The following KIF9 variants were observed in gnomAD, a reference collection of about 807,000 sequenced individuals.
The protein encoded by KIF9 is kinesin family member 9, also known as kinesin-like protein KIF9.
A neutral mutation model predicts 94.8 loss-of-function variants in KIF9; 68 were observed. The ratio of observed to expected loss-of-function variants is 0.72; its 90% CI spans 0.59 to 0.88. The LOEUF (loss-of-function observed/expected upper bound fraction) is 0.88, where lower values mean the gene tolerates loss of function less well. Ranked by LOEUF, KIF9 falls within the 40% of genes least tolerant of loss-of-function variation. KIF9 has a pLI of 0.00. For missense variants in KIF9, 882 were observed against 982.5 expected (o/e 0.90, Z 1.37); for synonymous variants, 343 against 362.1 (o/e 0.95, Z 0.60).
At chr3:47,248,152 T>A in intron 10 of KIF9, 66 bp from the exon 11 acceptor site, 1 of 1,176,584 alleles carries the variant, frequency 8.5e-7, no homozygotes, top group Non-Finnish European at 1.3e-6. Context: ...CCCTGTCTCT[T>A]CCACAGCAAA....
At chr3:47,256,723 T>G (rs907072328) in intron 10 of KIF9, among the ~76,000 whole-genome samples, 1 of 152,176 alleles carries the variant, frequency 6.6e-6, no homozygotes, top group Non-Finnish European at 1.5e-5. Context: ...GGGGAAAGGA[T>G]TGAGAAGTCG....
intron 5 of KIF9, among the ~76,000 whole-genome samples, chr3:47,268,927 G>A (rs1439162000): frequency 6.6e-6 from 1 of 151,932 alleles, no homozygotes; most frequent in Non-Finnish European, 1.5e-5. Context: ...GTACCCTCTT[G>A]CCTTGTCTTT....
intron 2 of KIF9, among the ~76,000 whole-genome samples, chr3:47,276,157 C>A (rs1328709890): frequency 3.9e-5 from 6 of 152,202 alleles, no homozygotes; most frequent in African/African-American, 1.2e-4. Flanking sequence ...AGATTCCAAT[C>A]TTCTTGATGA....
At chr3:47,246,368 G>C in intron 12 of KIF9, 116 bp from the exon 13 acceptor site, 1 of 678,736 alleles carries the variant, frequency 1.5e-6, no homozygotes, top group Non-Finnish European at 2.3e-6. Context: ...CATCTGTCTC[G>C]AGAAGAGGAC....
Position 47,275,443 on chromosome 3 carries a change from A to G in KIF9, c.141T>C (p.Asn47=), listed in dbSNP as rs762596280. Residue 47 remains asparagine (N), a synonymous_variant, in exon 3 of 21, where the codon AAT becomes AAC. Transcript: ENST00000684063. ...TAAACGACCAGTCTGTCTGTTGGTT[A>G]TTGACAACTCCTCTCCGAATGTCTT... ...LKKDIRRGVV[N]NQQTDWSFKL... 3 of 1,613,230 alleles carry G rather than the reference A, an allele frequency of 1.9e-6. No individual in the cohort carries two copies. The highest frequency in any genetic ancestry group is 2.5e-6 in the Non-Finnish European group (3 of 1,179,542).
chr3:47,237,484 A>T (rs545022316), intron 17 of KIF9, among the ~76,000 whole-genome samples: 16 of 152,340 alleles, frequency 1.1e-4, no homozygotes, highest in African/African-American at 3.8e-4. Context: ...CAGTGCTATT[A>T]GTCTCTTTGC....
intron 12 of KIF9, 142 bp from the exon 13 acceptor site, chr3:47,246,394 C>A (rs1370350385): frequency 2.1e-6 from 1 of 482,856 alleles, no homozygotes; most frequent in East Asian, 3.5e-5. Flanking sequence ...CACACAGCCT[C>A]TCAGCGAAGT....
At chr3:47,278,739 A>AGGAT (rs2107530889) in intron 1 of KIF9, among the ~76,000 whole-genome samples, 1 of 152,248 alleles carries the variant, frequency 6.6e-6, no homozygotes, top group East Asian at 1.9e-4. Flanking sequence ...TGGGAGGCCG[A>AGGAT]GGCAGGTGGA....
chr3:47,241,740 TGTATATATACGTATATATACATATATAC>T (rs1699515939), intron 16 of KIF9, among the ~76,000 whole-genome samples: 2 of 147,592 alleles, frequency 1.4e-5, no homozygotes, highest in Admixed American at 6.9e-5. Context: ...TATATGTGTG[TGTATATATACGTATATATACATATATAC>T]GTATATATAC....
intron 3 of KIF9, chr3:47,275,105 T>C (rs891370957): frequency 1.7e-5 from 9 of 529,464 alleles, no homozygotes; most frequent in South Asian, 1.6e-4. Context: ...TAGAGAGCCA[T>C]AGTCTTTTAA....
At chr3:47,257,455 G>T in intron 10 of KIF9, 28 bp downstream of exon 10, 1 of 1,599,484 alleles carries the variant, frequency 6.3e-7, no homozygotes, top group Non-Finnish European at 8.6e-7. Flanking sequence ...CCCCACAGTG[G>T]GACACCTGTC....
chr3:47,271,573 G>C, intron 4 of KIF9, 112 bp from the exon 5 acceptor site: 1 of 754,798 alleles, frequency 1.3e-6, no homozygotes, highest in Non-Finnish European at 2.3e-6. Flanking sequence ...AATAATTATT[G>C]TCCTAAAGGA....
At chr3:47,272,796 G>A (rs891980281) in intron 4 of KIF9, among the ~76,000 whole-genome samples, 1 of 152,192 alleles carries the variant, frequency 6.6e-6, no homozygotes, top group African/African-American at 2.4e-5. Flanking sequence ...AGTCTAAGAT[G>A]CTGAGATACT....
Position 47,240,778 on chromosome 3 carries a change from A to G in KIF9, c.1924+23T>C, listed in dbSNP as rs552632648. On this transcript the variant is annotated intron_variant, in intron 17 of 20. Transcript: ENST00000684063. ...TGACTCTGAGACCCCAAAGCTCCCTAGCCCTCTTTCCAACACATTTACCTT... is the reference window on the plus strand; with the variant it reads ...TGACTCTGAGACCCCAAAGCTCCCTGGCCCTCTTTCCAACACATTTACCTT... 4.2e-5 allele frequency: 67 copies of G among 1,598,782 alleles called. No individual in the cohort carries two copies. In the South Asian group the frequency reaches 7.2e-4, roughly 17 times the overall value.
intron 20 of KIF9, among the ~76,000 whole-genome samples, chr3:47,231,555 C>G (rs1266196083): frequency 1.3e-5 from 2 of 151,830 alleles, no homozygotes; most frequent in African/African-American, 4.8e-5. Flanking sequence ...GGATTACAGG[C>G]GTGCACAGGC....
chr3:47,259,511 G>C (rs1399953013), intron 9 of KIF9, among the ~76,000 whole-genome samples: 1 of 152,316 alleles, frequency 6.6e-6, no homozygotes, highest in East Asian at 1.9e-4. Flanking sequence ...TGTGAGAGAA[G>C]GGGCAGATAA....
At chr3:47,245,165 G>A in intron 14 of KIF9, 1 of 605,036 alleles carries the variant, frequency 1.7e-6, no homozygotes, top group South Asian at 2.1e-5. Context: ...ATACTCTGGG[G>A]ATCTTAAAGC....
chr3:47,235,561 G>A lies in KIF9; in HGVS notation c.2274C>T (p.Gly758=). The A allele has an allele frequency of 6.2e-7, 1 of 1,614,104 alleles. No individual in the cohort carries two copies. Among genetic ancestry groups the A allele is most frequent in the East Asian group, 2.2e-5 (1 of 44,878 alleles). ...SQLQQRVLPE[G]PDSISFYNAK... ...CATTGTAGAAGGAGATGGAATCAGG[G>A]CCCTCAGGAAGCACCCTCTGCTGCA... The change falls in exon 20 of 21, where the codon GGC becomes GGT. Residue 758 remains glycine, a synonymous_variant. Coordinates refer to ENST00000684063, the MANE Select transcript of KIF9 (RefSeq NM_182902.4).
intron 1 of KIF9, among the ~76,000 whole-genome samples, chr3:47,279,594 A>T (rs1463430574): frequency 1.3e-5 from 2 of 151,892 alleles, no homozygotes; most frequent in Non-Finnish European, 2.9e-5. Flanking sequence ...AAAGTACATT[A>T]AATAATGGTA....
Sources: gnomAD v4.1 joint callset for allele counts (sites outside exome capture counted in the v4.1 genomes callset) on GRCh38, gnomAD v4.1.1 for gene constraint, MANE v1.5 for transcripts, NCBI Gene and HGNC (gene_info 2026-07-23, HGNC 2026-07-21) for gene names.